Variants in RGS12 observed in about 807,000 individuals in gnomAD.
RGS12 encodes the protein regulator of G protein signaling 12.
Under a neutral mutation model 120.1 loss-of-function variants are expected in RGS12, and 66 were observed. That is an observed-to-expected ratio of 0.55 (90% CI 0.45 to 0.67). The LOEUF is 0.67. Ranked by LOEUF, RGS12 falls within the 30% of genes least tolerant of loss-of-function variation. The pLI is 0.00. For missense variants in RGS12, 1,859 were observed against 1,957.7 expected, an observed-to-expected ratio of 0.95 and a Z score of 0.95; for synonymous variants, 827 against 804.7, an observed-to-expected ratio of 1.03 and a Z score of -0.47.
intron 9 of RGS12, chr4:3,419,059 G>A (rs1309822068): frequency 2.6e-5 from 4 of 150,984 alleles, no homozygotes; most frequent in Non-Finnish European, 5.9e-5. Flanking sequence ...GGCCAGGCAC[G>A]GTGGCTCATG....
At chr4:3,376,216 T>G (rs1403124413) in intron 3 of RGS12, among the ~76,000 whole-genome samples, 1 of 152,088 alleles carries the variant, frequency 6.6e-6, no homozygotes, top group Non-Finnish European at 1.5e-5. Flanking sequence ...CAGTTCCTTC[T>G]GATTTTATTC....
At chr4:3,421,148 C>T (rs945786071) in intron 10 of RGS12, among the ~76,000 whole-genome samples, 10 of 152,190 alleles carry the variant, frequency 6.6e-5, no homozygotes, top group Admixed American at 3.3e-4. Flanking sequence ...GCCTGCGGGC[C>T]GCCTGTCTCA....
At chr4:3,321,865 A>G (rs1725223400) in intron 2 of RGS12, among the ~76,000 whole-genome samples, 1 of 152,230 alleles carries the variant, frequency 6.6e-6, no homozygotes, top group African/African-American at 2.4e-5. Flanking sequence ...TACTAGTTCT[A>G]TGAATGTTAA....
In RGS12 at chr4:3,430,621, G is replaced by A. The variant is rs763919209; in HGVS notation, c.3780G>A (p.Gln1260=). ...AGAGCGCCTCCCAGCCTGGCGAGCA[G>A]TGGGAGCCAGTCCAGGAGAGCAGCG... The part of the protein sequence containing the change: ...GRESASQPGE[Q]WEPVQESSDS... Residue 1260 remains glutamine, a synonymous_variant, in exon 17 of 18, where the codon CAG becomes CAA. Coordinates refer to ENST00000336727, the MANE Select transcript of RGS12 (RefSeq NM_001394154.1). 12 of 1,609,776 alleles carry A rather than the reference G, an allele frequency of 7.5e-6. No homozygotes were observed. The highest frequency in any genetic ancestry group is 1.7e-5 in the Admixed American group (1 of 59,546).
chr4:3,382,047 G>A (rs1052451765), intron 3 of RGS12, among the ~76,000 whole-genome samples: 7 of 152,278 alleles, frequency 4.6e-5, no homozygotes, highest in Admixed American at 2.0e-4. Context: ...TAGTCGTAAC[G>A]TCACCGTTCA....
intron 4 of RGS12, among the ~76,000 whole-genome samples, chr4:3,391,627 C>T (rs1473119586): frequency 1.3e-5 from 2 of 152,210 alleles, no homozygotes; most frequent in Admixed American, 6.5e-5. Context: ...AAAGATAAAA[C>T]AAACGAAGAA....
At chr4:3,419,641 A>G (rs1470266750) in intron 9 of RGS12, 3 of 152,072 alleles carry the variant, frequency 2.0e-5, no homozygotes, top group African/African-American at 7.2e-5. Flanking sequence ...ACACAGCAAG[A>G]CACTCATCTC....
chr4:3,436,608 C>T (rs1004064516), intron 17 of RGS12, among the ~76,000 whole-genome samples: 3 of 152,170 alleles, frequency 2.0e-5, no homozygotes, highest in Admixed American at 1.3e-4. Flanking sequence ...CCCCTGCTCC[C>T]GCTGTGCCTG....
At chr4:3,376,420 C>A (rs776293987) in intron 3 of RGS12, among the ~76,000 whole-genome samples, 1 of 152,196 alleles carries the variant, frequency 6.6e-6, no homozygotes, top group Non-Finnish European at 1.5e-5. Flanking sequence ...GGGCACCATG[C>A]TGAGGAGTGG....
intron 1 of RGS12, among the ~76,000 whole-genome samples, chr4:3,305,467 G>C (rs1041327458): frequency 6.6e-6 from 1 of 152,212 alleles, no homozygotes; most frequent in Non-Finnish European, 1.5e-5. Context: ...CCTCTAAACT[G>C]GCTCTAGGTG....
Position 3,411,686 on chromosome 4 carries a change from C to G in RGS12, c.2021-2386C>G, listed in dbSNP as rs73079009. Among the ~76,000 whole-genome samples the G allele has an allele frequency of 4.7e-3, 718 of 152,374 alleles. 3 individuals carry two copies. Among genetic ancestry groups the G allele is most frequent in the African/African-American group, 0.017 (687 of 41,582 alleles). ...GTCAGCCCACTCCAAGGACCCCTGC[C>G]CCAGAGAGAGTGAGTGTGCAAGTTG... On this transcript the variant is annotated intron_variant, in intron 4 of 17. Transcript: ENST00000336727.
intron 1 of RGS12, among the ~76,000 whole-genome samples, chr4:3,313,809 C>A (rs1724564371): frequency 1.3e-5 from 2 of 152,166 alleles, no homozygotes; most frequent in Non-Finnish European, 2.9e-5. Context: ...AGGCGCACCC[C>A]ACACTCTCCC....
intron 1 of RGS12, among the ~76,000 whole-genome samples, chr4:3,301,345 C>T (rs1320013421): frequency 1.3e-5 from 2 of 152,186 alleles, no homozygotes; most frequent in South Asian, 2.1e-4. Flanking sequence ...GGATAAGATA[C>T]TAAAAGCAAA....
At chr4:3,387,326 C>T (rs1426440032) in intron 4 of RGS12, among the ~76,000 whole-genome samples, 1 of 152,212 alleles carries the variant, frequency 6.6e-6, no homozygotes, top group Non-Finnish European at 1.5e-5. Flanking sequence ...TTTCTGTGGT[C>T]CTGCAGCTGC....
intron 2 of RGS12, among the ~76,000 whole-genome samples, chr4:3,336,768 A>G (rs530865635): frequency 6.6e-6 from 1 of 152,368 alleles, no homozygotes; most frequent in South Asian, 2.1e-4. Context: ...CGCAACCCAC[A>G]GAATGAAGGC....
At chr4:3,319,017 C>T (rs1302395339) in intron 2 of RGS12, among the ~76,000 whole-genome samples, 5 of 152,202 alleles carry the variant, frequency 3.3e-5, no homozygotes, top group Non-Finnish European at 7.4e-5. Context: ...TCTAAGGCTG[C>T]TGGCTGGGTA....
intron 4 of RGS12, chr4:3,412,951 G>C (rs1721893661): frequency 6.6e-6 from 1 of 152,184 alleles, no homozygotes; most frequent in South Asian, 2.1e-4. Context: ...CTCTGGGACA[G>C]GGGCGCCCCC....
chr4:3,339,888 CTGTT>C (rs1329783888), intron 2 of RGS12, among the ~76,000 whole-genome samples: 9 of 152,318 alleles, frequency 5.9e-5, no homozygotes, highest in African/African-American at 2.2e-4. Context: ...CTCCCCAGCT[CTGTT>C]TGTTAGGGTT....
At chr4:3,323,506 ACTG>A (rs2108700093) in intron 2 of RGS12, among the ~76,000 whole-genome samples, 1 of 152,262 alleles carries the variant, frequency 6.6e-6, no homozygotes, top group South Asian at 2.1e-4. Context: ...CATGTGACAT[ACTG>A]CTGTGAGTTA....
Sources: gnomAD v4.1 joint callset for allele counts (sites outside exome capture counted in the v4.1 genomes callset) on GRCh38, gnomAD v4.1.1 for gene constraint, MANE v1.5 for transcripts, NCBI Gene and HGNC (gene_info 2026-07-23, HGNC 2026-07-21) for gene names.